NSD3: variants seen among roughly 807,000 people sequenced by gnomAD.
The protein encoded by NSD3 is histone-lysine N-methyltransferase NSD3.
A neutral mutation model predicts 160.8 loss-of-function variants in NSD3; 24 were observed. That is an observed-to-expected ratio of 0.15 (90% CI 0.11 to 0.21). NSD3 has a LOEUF of 0.21. NSD3 is among the 10% of genes least tolerant of loss of function. The pLI, the probability that NSD3 is intolerant of heterozygous loss-of-function variation, is 1.00. For synonymous variants in NSD3, 520 were observed against 600.0 expected, an observed-to-expected ratio of 0.87 and a Z score of 1.95; for missense variants, 1,157 against 1,735.9, an observed-to-expected ratio of 0.67 and a Z score of 5.93.
chr8:38,280,755 CTTT>C (rs780082168), intron 20 of NSD3, among the ~76,000 whole-genome samples: 8 of 138,590 alleles, frequency 5.8e-5, no homozygotes, highest in African/African-American at 5.3e-5. Flanking sequence ...TCATTATTTT[CTTT>C]TTTTTTTTTT....
chr8:38,278,964 C>T (rs1808674885), intron 21 of NSD3, among the ~76,000 whole-genome samples: 1 of 152,182 alleles, frequency 6.6e-6, no homozygotes, highest in African/African-American at 2.4e-5. Flanking sequence ...TCTGTTTTAG[C>T]TATAACATTT....
intron 15 of NSD3, among the ~76,000 whole-genome samples, chr8:38,298,653 C>T (rs1160274697): frequency 1.3e-5 from 2 of 152,146 alleles, no homozygotes; most frequent in Non-Finnish European, 2.9e-5. Context: ...AGGCCCTCAC[C>T]TTTCAAGCTC....
chr8:38,374,302 C>A (rs1057128817), intron 1 of NSD3, among the ~76,000 whole-genome samples: 1 of 151,814 alleles, frequency 6.6e-6, no homozygotes, highest in East Asian at 1.9e-4. Context: ...ATAAATAAAT[C>A]TATATATCTT....
chr8:38,318,124 T>C lies in NSD3; in HGVS notation c.1855+771A>G. The stretch of plus-strand genomic sequence containing the variant: ...CTTTTCTTGGAGCTCCGCCAAGCAG[T>C]GTTCCCTCCGAGAGGCTGTTCAGTT... On this transcript the variant is annotated intron_variant, in intron 9 of 23. Transcript: ENST00000317025. The surrounding 1 kb of genome is among the most constrained non-coding windows in gnomAD (Gnocchi z 5.3). 6.6e-7 allele frequency: 1 copy of C among 1,512,794 alleles called. No homozygotes were observed. Among genetic ancestry groups the C allele is most frequent in the Non-Finnish European group, 9.0e-7 (1 of 1,108,110 alleles). 93.7% of individuals were successfully genotyped at this position (1,512,794 alleles called of 1,614,324 possible). A position where few individuals can be genotyped will look rare whatever the true frequency, so the allele number is the denominator to read the frequency against.
chr8:38,329,608 T>C lies in NSD3; in HGVS notation c.1351A>G (p.Ser451Gly). The C allele has an allele frequency of 6.2e-7, 1 of 1,614,250 alleles. No homozygotes were observed. The highest frequency in any genetic ancestry group is 8.5e-7 in the Non-Finnish European group (1 of 1,180,040). ...TCCGCACTTGTGTGCCGCCTCTGGC[T>C]ATGTCTCCGAATTTCAGTACTTGAG... ...SLSSTEIRRH[S>G]QRRHTSAEEE... The change falls in exon 6 of 24, where the codon AGC becomes GGC. Residue 451 changes from serine to glycine, a missense_variant. Ser to Gly is a moderately conservative substitution (Grantham distance 56, BLOSUM62 0). Coordinates refer to ENST00000317025, the MANE Select transcript of NSD3 (RefSeq NM_023034.2). This position sits in a 1 kb window ranked among gnomAD's most constrained non-coding sequence, Gnocchi z 4.8.
intron 1 of NSD3, among the ~76,000 whole-genome samples, chr8:38,357,367 C>T (rs1183672176): frequency 6.6e-6 from 1 of 151,964 alleles, no homozygotes; most frequent in African/African-American, 2.4e-5. Context: ...CATATAAGGC[C>T]CTCCAAGCAA....
intron 1 of NSD3, among the ~76,000 whole-genome samples, chr8:38,368,498 G>A (rs1811161951): frequency 6.6e-6 from 1 of 152,110 alleles, no homozygotes; most frequent in Non-Finnish European, 1.5e-5. Flanking sequence ...ACAAAAAAGT[G>A]TTTCATTTAA....
At chr8:38,351,011 G>A (rs961807817) in intron 1 of NSD3, among the ~76,000 whole-genome samples, 26 of 143,968 alleles carry the variant, frequency 1.8e-4, no homozygotes, top group East Asian at 4.1e-4. Flanking sequence ...TTGCTCTGTC[G>A]CCCAGGTTGG....
At chr8:38,301,145 T>C (rs1181589764) in intron 14 of NSD3, among the ~76,000 whole-genome samples, 2 of 152,126 alleles carry the variant, frequency 1.3e-5, no homozygotes, top group East Asian at 3.9e-4. Flanking sequence ...ACGTTTTTGA[T>C]TTTTTTGTAG....
In NSD3 at chr8:38,270,205, C is replaced by G. The variant is rs1004884739; in HGVS notation, c.*5436G>C. 1.1e-4 allele frequency: 16 copies of G among 152,148 alleles called. No individual in the cohort carries two copies. Among genetic ancestry groups the G allele is most frequent in the African/African-American group, 3.9e-4 (16 of 41,422 alleles). 9.4% of individuals were successfully genotyped at this position (152,148 alleles called of 1,614,324 possible). ...AGATTGACTTTAGTGAATATTGATG[C>G]TTTGTTATTAAAGACTCAAGTCTCA... On this transcript the variant is annotated 3_prime_UTR_variant, in exon 24 of 24. Coordinates refer to ENST00000317025, the MANE Select transcript of NSD3 (RefSeq NM_023034.2).
At chr8:38,340,192 G>A (rs1033297195) in intron 2 of NSD3, among the ~76,000 whole-genome samples, 2 of 152,066 alleles carry the variant, frequency 1.3e-5, no homozygotes, top group South Asian at 2.1e-4. Context: ...TAAAAAGAGG[G>A]TATAGCCATT....
intron 1 of NSD3, among the ~76,000 whole-genome samples, chr8:38,369,006 C>T (rs558310666): frequency 5.3e-5 from 8 of 152,070 alleles, no homozygotes; most frequent in South Asian, 4.1e-4. Flanking sequence ...AGCTTGTATC[C>T]TCCATTCCCC....
At chr8:38,280,668 G>T (rs981640044) in intron 20 of NSD3, among the ~76,000 whole-genome samples, 2 of 151,882 alleles carry the variant, frequency 1.3e-5, no homozygotes, top group Non-Finnish European at 2.9e-5. Flanking sequence ...GATAATGGAT[G>T]TACTGTGTAT....
At chr8:38,289,300 C>T (rs1364094102) in intron 18 of NSD3, 93 bp downstream of exon 18, 14 of 1,184,086 alleles carry the variant, frequency 1.2e-5, no homozygotes, top group African/African-American at 3.1e-5. Flanking sequence ...TAATGCATTT[C>T]GTCTCATCTA....
At chr8:38,346,160 ATATG>A (rs538608951) in intron 2 of NSD3, among the ~76,000 whole-genome samples, 69 of 150,760 alleles carry the variant, frequency 4.6e-4, no homozygotes, top group African/African-American at 1.6e-3. Flanking sequence ...ATATGTATGC[ATATG>A]TATGTATATA....
In NSD3 at chr8:38,300,519, GCAAA is replaced by G. The variant is rs201799709; in HGVS notation, c.2612-933_2612-930del. On this transcript the variant is annotated intron_variant, in intron 14 of 23. Coordinates refer to ENST00000317025, the MANE Select transcript of NSD3 (RefSeq NM_023034.2). ...ATTTCCTGAACTTTACTGAGGTAAT[GCAAA>G]CATTTTCATTTTTTCCCTGCCACAA... Among the ~76,000 whole-genome samples the G allele has an allele frequency of 2.5e-3, 377 of 152,230 alleles. 1 individual carries two copies. Among genetic ancestry groups the G allele is most frequent in the African/African-American group, 8.0e-3 (334 of 41,546 alleles).
intron 2 of NSD3, among the ~76,000 whole-genome samples, chr8:38,340,610 T>C (rs1358804854): frequency 2.0e-5 from 3 of 152,144 alleles, no homozygotes; most frequent in African/African-American, 7.2e-5. Flanking sequence ...AGTGCTGGAA[T>C]TACAGGTGTG....
intron 19 of NSD3, among the ~76,000 whole-genome samples, chr8:38,285,737 A>G (rs1405799002): frequency 6.6e-6 from 1 of 152,220 alleles, no homozygotes; most frequent in African/African-American, 2.4e-5. Flanking sequence ...TGCATTATAC[A>G]ATGACATTTT....
chr8:38,301,395 T>C lies in NSD3; in HGVS notation c.2612-1805A>G, dbSNP rs181784851. Among the ~76,000 whole-genome samples, 1,332 of 152,166 alleles carry C rather than the reference T, an allele frequency of 8.8e-3. 11 individuals are homozygous for C. Among genetic ancestry groups the C allele is most frequent in the Non-Finnish European group, 0.013 (904 of 67,990 alleles). ...GAGTTTGAGACTAGCCTGACCAACA[T>C]GGAAAAACCCCATCTCTACTAAAAA... On this transcript the variant is annotated intron_variant, in intron 14 of 23. Transcript: ENST00000317025.
Sources: gnomAD v4.1 joint callset for allele counts (sites outside exome capture counted in the v4.1 genomes callset) on GRCh38, gnomAD v4.1.1 for gene constraint, Gnocchi (gnomAD v3.1) non-coding constraint, MANE v1.5 for transcripts, NCBI Gene and HGNC (gene_info 2026-07-23, HGNC 2026-07-21) for gene names.